The following SYCP2 variants were observed in gnomAD, a reference collection of about 807,000 sequenced individuals.
SYCP2 encodes synaptonemal complex lateral element protein.
In SYCP2, 55 loss-of-function variants were observed where a neutral mutation model predicts 211.3. The ratio of observed to expected loss-of-function variants is 0.26; its 90% confidence interval spans 0.21 to 0.33. SYCP2 has a LOEUF of 0.33. Ranked by LOEUF, SYCP2 falls within the 10% of genes least tolerant of loss-of-function variation. SYCP2 has a pLI of 1.00. For missense variants in SYCP2, 1,731 were observed against 1,752.0 expected, an observed-to-expected ratio of 0.99 and a Z score of 0.21; for synonymous variants, 570 against 555.2, an observed-to-expected ratio of 1.03 and a Z score of -0.37.
At chr20:59,928,129 G>A (rs781017503) in intron 2 of SYCP2, among the ~76,000 whole-genome samples, 10 of 152,090 alleles carry the variant, frequency 6.6e-5, no homozygotes, top group African/African-American at 1.2e-4. Context: ...TGAAGGTTAC[G>A]TTTCTTTTCC....
chr20:59,894,563 A>C (rs190943619), intron 20 of SYCP2, among the ~76,000 whole-genome samples: 1 of 152,168 alleles, frequency 6.6e-6, no homozygotes, highest in Admixed American at 6.6e-5. Flanking sequence ...AAGCTTTGAG[A>C]AAATTGTACA....
rs1568939693 is a variant in SYCP2, at chr20:59,892,023, C to T, written c.2331G>A (p.Glu777=). Residue 777 remains glutamate, a synonymous_variant, in exon 24 of 45, where the codon GAG becomes GAA. Coordinates refer to ENST00000357552, the MANE Select transcript of SYCP2 (RefSeq NM_014258.4). ...HRKAEKELTS[E]LNSWDSKQKK... ...TTTGTTTCGAATCCCAGGAATTAAG[C>T]TCAGAAGTCAATTCTTTCTCTGCTT... 1 of 1,602,900 alleles carries T rather than the reference C, an allele frequency of 6.2e-7. No homozygotes were observed. The highest frequency in any genetic ancestry group is 2.2e-5 in the East Asian group (1 of 44,758).
intron 15 of SYCP2, among the ~76,000 whole-genome samples, chr20:59,902,197 CACATAT>C (rs534847975): frequency 5.3e-5 from 8 of 152,130 alleles, no homozygotes; most frequent in Middle Eastern, 3.4e-3. Flanking sequence ...TCTAGACATA[CACATAT>C]AAACATTTCT....
intron 14 of SYCP2, among the ~76,000 whole-genome samples, chr20:59,911,306 A>G (rs1256317132): frequency 6.6e-6 from 1 of 152,174 alleles, no homozygotes; most frequent in Non-Finnish European, 1.5e-5. Context: ...GAAGAAAAAA[A>G]CTAAAATTAA....
At position 59,923,493 on chromosome 20, in the gene SYCP2, A is replaced by AT. The variant is rs199617525; in HGVS notation, c.-46-1035dup. 1.1e-4 allele frequency among the ~76,000 whole-genome samples: 17 copies of AT among 150,434 alleles called. 1 individual carries two copies. Among genetic ancestry groups the AT allele is most frequent in the South Asian group, 4.2e-4 (2 of 4,766 alleles). The stretch of plus-strand genomic sequence containing the variant: ...CCATCTCATTTTAATAATTATGGGA[A>AT]TTTTTTTTTTAAATATTGTATGTTA... On this transcript the variant is annotated intron_variant, in intron 2 of 44. Coordinates refer to ENST00000357552, the MANE Select transcript of SYCP2 (RefSeq NM_014258.4).
At chr20:59,895,283 G>A (rs2059984862) in intron 20 of SYCP2, among the ~76,000 whole-genome samples, 154 bp downstream of exon 20, 1 of 152,064 alleles carries the variant, frequency 6.6e-6, no homozygotes. Flanking sequence ...ATGCCAGAAG[G>A]ACCCTACTTT....
At chr20:59,896,365 CTTAAA>C (rs2060007208) in intron 19 of SYCP2, 59 bp downstream of exon 19, 2 of 906,524 alleles carry the variant, frequency 2.2e-6, no homozygotes, top group African/African-American at 1.7e-5. Flanking sequence ...TCAGAATTGC[CTTAAA>C]TTAAAAAATG....
chr20:59,877,489 G>T lies in SYCP2; in HGVS notation c.3046C>A (p.Arg1016=), dbSNP rs762068094. 1.7e-5 allele frequency: 28 copies of T among 1,604,752 alleles called. No individual in the cohort carries two copies. In the Admixed American group the frequency reaches 4.5e-4, roughly 26 times the overall value. ...TIPEGRIRLP[R]KATKTKKNYK... ...TTTTTTTTTGTTTTGGTTGCTTTTC[G>T]TGGAAGTCTGATTCTTCCTTCCGGA... The change falls in exon 33 of 45, where the codon CGA becomes AGA. Residue 1016 remains arginine (R), a synonymous_variant. Coordinates refer to ENST00000357552, the MANE Select transcript of SYCP2 (RefSeq NM_014258.4).
At chr20:59,929,067 AG>A (rs1044985433) in intron 2 of SYCP2, among the ~76,000 whole-genome samples, 1 of 152,136 alleles carries the variant, frequency 6.6e-6, no homozygotes, top group Non-Finnish European at 1.5e-5. Flanking sequence ...CAAATCAAGG[AG>A]GAAAAAAAAG....
intron 2 of SYCP2, among the ~76,000 whole-genome samples, chr20:59,923,897 T>C (rs897795875): frequency 1.3e-5 from 2 of 151,806 alleles, no homozygotes; most frequent in Non-Finnish European, 2.9e-5. Context: ...AGTAAGGTGA[T>C]AGATTAAAAG....
In SYCP2 at chr20:59,892,195, G is replaced by C. The variant is rs2059920829; in HGVS notation, c.2159C>G (p.Ser720Cys). 1 of 1,612,528 alleles carries C rather than the reference G, an allele frequency of 6.2e-7. No homozygotes were observed. The highest frequency in any genetic ancestry group is 8.5e-7 in the Non-Finnish European group (1 of 1,179,224). Residue 720 changes from serine to cysteine, a missense_variant, in exon 24 of 45, where the codon TCT becomes TGT. Ser to Cys is a moderately radical substitution (Grantham distance 112, BLOSUM62 -1). Transcript: ENST00000357552. ...NAKQSDWPVE[S>C]ETTFKSVLLN... ...GAGAACCGATTTAAAAGTAGTTTCA[G>C]ATTCAACAGGCCAATCACTCTGCTT...
chr20:59,874,051 T>A lies in SYCP2; in HGVS notation c.3360A>T (p.Lys1120Asn). The A allele has an allele frequency of 6.3e-7, 1 of 1,589,306 alleles. No individual in the cohort carries two copies. The highest frequency in any genetic ancestry group is 8.6e-7 in the Non-Finnish European group (1 of 1,164,560). The change falls in exon 35 of 45, where the codon AAA becomes AAT. Residue 1120 changes from lysine (K) to asparagine (N), a missense_variant. This residue lies in a region of SYCP2 where 1,387 missense variants were observed against 1,351.3 expected (regional missense o/e 1.03). Transcript: ENST00000357552. Reference sequence around the variant, plus strand: ...CCTGAGTAAAATCCTTTTCTGTTATTTTCTCTATACCTATATTGCATCAAA... The same window carrying A: ...CCTGAGTAAAATCCTTTTCTGTTATATTCTCTATACCTATATTGCATCAAA... ...SSIEVTRCIE[K>N]ITEKDFTQDY...
chr20:59,872,068 T>C (rs1250434037), intron 35 of SYCP2, among the ~76,000 whole-genome samples: 1 of 151,928 alleles, frequency 6.6e-6, no homozygotes, highest in Non-Finnish European at 1.5e-5. Flanking sequence ...GGAGGCTAGG[T>C]AGATCTAGGG....
chr20:59,884,414 AAATT>A (rs1299457931), intron 26 of SYCP2, among the ~76,000 whole-genome samples: 5 of 152,110 alleles, frequency 3.3e-5, no homozygotes, highest in East Asian at 1.9e-4. Context: ...AACATTTAAT[AAATT>A]AATTGTAATA....
intron 10 of SYCP2, among the ~76,000 whole-genome samples, chr20:59,914,546 A>T (rs1202281995): frequency 1.3e-5 from 2 of 152,064 alleles, no homozygotes; most frequent in East Asian, 3.8e-4. Flanking sequence ...TATAAAATGC[A>T]AAGTAACCCA....
At position 59,864,480 on chromosome 20, in the gene SYCP2, T is replaced by C. The variant is rs1007544774; in HGVS notation, c.4516-92A>G. ...TAGAAAAAAAAAAATCAAGCTGTTA[T>C]TAGTGATTCATTTTAAAACAACTTC... is the stretch of plus-strand genomic sequence containing the variant. On this transcript the variant is annotated intron_variant, in intron 44 of 44. Transcript: ENST00000357552. 5 of 839,104 alleles carry C rather than the reference T, an allele frequency of 6.0e-6. No individual in the cohort carries two copies. The African/African-American group carries it at 6.9e-5, about 12-fold the overall frequency. The allele number at this position is 839,104 out of a possible 1,614,324, so 52.0% of individuals were successfully genotyped here.
intron 39 of SYCP2, among the ~76,000 whole-genome samples, chr20:59,867,014 C>CAAA (rs779891839): frequency 1.6e-3 from 96 of 60,340 alleles, no homozygotes; most frequent in African/African-American, 1.9e-3. Context: ...GGCCTTGGGC[C>CAAA]AAAAAAAAAA....
chr20:59,915,389 A>G (rs1368481654), intron 9 of SYCP2, 76 bp downstream of exon 9: 2 of 1,111,160 alleles, frequency 1.8e-6, no homozygotes, highest in South Asian at 1.4e-5. Context: ...TTATTAATGC[A>G]AACTCATAGT....
At chr20:59,895,772 ATT>A (rs2059996624) in intron 19 of SYCP2, among the ~76,000 whole-genome samples, 175 bp from the exon 20 acceptor site, 1 of 152,066 alleles carries the variant, frequency 6.6e-6, no homozygotes, top group Admixed American at 6.6e-5. Context: ...TGAAGGAAAA[ATT>A]TGCAGGAAGG....
Sources: allele counts gnomAD v4.1 joint callset (sites outside exome capture counted in the v4.1 genomes callset), GRCh38; gene constraint gnomAD v4.1.1; regional missense constraint gnomAD v4.1.1; transcripts MANE v1.5; gene names NCBI Gene and HGNC (gene_info 2026-07-23, HGNC 2026-07-21).